SNAP47: variants seen among roughly 807,000 people sequenced by gnomAD.
SNAP47 encodes synaptosome associated protein 47.
Under a neutral mutation model 31.4 loss-of-function variants are expected in SNAP47, and 20 were observed. That is an observed-to-expected ratio of 0.64 (90% CI 0.45 to 0.93). The LOEUF (loss-of-function observed/expected upper bound fraction) is 0.93. Among genes scored for constraint, SNAP47 ranks in the 40% least tolerant of loss-of-function variants. The probability of loss-of-function intolerance (pLI) is 0.00; values close to 1 mark genes in which losing one functional copy is unlikely to be tolerated. For missense variants in SNAP47, 492 were observed against 528.5 expected, an observed-to-expected ratio of 0.93 and a Z score of 0.68; for synonymous variants, 194 against 213.4, an observed-to-expected ratio of 0.91 and a Z score of 0.79.
At position 227,781,110 on chromosome 1, in the gene SNAP47, T is replaced by A. The variant is rs890962192; in HGVS notation, c.*437T>A. 5 of 160,024 alleles carry A rather than the reference T, an allele frequency of 3.1e-5. No homozygotes were observed. The highest frequency in any genetic ancestry group is 4.8e-5 in the African/African-American group (2 of 41,720). The allele number at this position is 160,024 out of a possible 1,614,324, so 9.9% of individuals were successfully genotyped here. A position where few individuals can be genotyped will look rare whatever the true frequency, so the allele number is the denominator to read the frequency against. ...CTATAAACACCCAACTGTTCTTTTA[T>A]CGTCTCGGTTTTAGCCAAAAGTGAA... On this transcript the variant is annotated 3_prime_UTR_variant, in exon 5 of 5. Coordinates refer to ENST00000617596, the MANE Select transcript of SNAP47 (RefSeq NM_053052.4).
upstream of SNAP47, chr1:227,735,162 C>A (rs763102204): frequency 1.2e-5 from 19 of 1,579,442 alleles, no homozygotes; most frequent in Non-Finnish European, 1.5e-5. Context: ...TAGGAGAAGG[C>A]GCCCGGCTCC....
rs572248838 is a variant in SNAP47, at chr1:227,755,025, T to G, written c.498-3970T>G. Among the ~76,000 whole-genome samples, 2 of 152,150 alleles carry G rather than the reference T, an allele frequency of 1.3e-5. 1 individual carries two copies. The highest frequency in any genetic ancestry group is 4.8e-5 in the African/African-American group (2 of 41,498). On this transcript the variant is annotated intron_variant, in intron 2 of 4. Coordinates refer to ENST00000617596, the MANE Select transcript of SNAP47 (RefSeq NM_053052.4). ...AATCCTGAAAAACTAGTTCAGACCA[T>G]GAAAAGAAGGAGGGGGTCAGACATG...
upstream of SNAP47, chr1:227,732,602 C>A (rs202034599): frequency 1.2e-6 from 2 of 1,613,534 alleles, no homozygotes; most frequent in South Asian, 2.2e-5. Context: ...GGACCAGGAG[C>A]CTCTTCTCAG....
upstream of SNAP47, chr1:227,733,492 G>A: frequency 6.3e-7 from 1 of 1,594,372 alleles, no homozygotes; most frequent in Non-Finnish European, 8.5e-7. Flanking sequence ...CCAAGGGTGG[G>A]CCAGCAAGCT....
intron 1 of SNAP47, 183 bp downstream of exon 1, chr1:227,735,682 A>G: frequency 1.0e-6 from 1 of 984,424 alleles, no homozygotes; most frequent in Non-Finnish European, 1.2e-6. Flanking sequence ...TGGGGGCGGG[A>G]GTGCGGCGGT....
At chr1:227,729,764 C>A (rs1660521726) in intron 1 of SNAP47, among the ~76,000 whole-genome samples, 1 of 152,220 alleles carries the variant, frequency 6.6e-6, no homozygotes, top group South Asian at 2.1e-4. Context: ...CTGTCTCCAC[C>A]TCCATGGATT....
At chr1:227,756,801 C>T (rs781489408) in intron 2 of SNAP47, among the ~76,000 whole-genome samples, 12 of 152,356 alleles carry the variant, frequency 7.9e-5, no homozygotes, top group East Asian at 7.7e-4. Flanking sequence ...GCCAAGTTAC[C>T]GTGCACAGCA....
chr1:227,730,267 G>A (rs957581861), upstream of SNAP47, among the ~76,000 whole-genome samples: 4 of 152,164 alleles, frequency 2.6e-5, no homozygotes, highest in Admixed American at 2.6e-4. Context: ...CCTTTGCGAA[G>A]GCCCTCACAT....
chr1:227,738,187 G>C (rs984474650), intron 1 of SNAP47, among the ~76,000 whole-genome samples: 5 of 151,938 alleles, frequency 3.3e-5, no homozygotes, highest in South Asian at 2.1e-4. Flanking sequence ...GATTACAGGC[G>C]CGCACCACCA....
intron 1 of SNAP47, among the ~76,000 whole-genome samples, chr1:227,736,672 G>GT (rs1661207703): frequency 7.3e-6 from 1 of 137,688 alleles, no homozygotes; most frequent in African/African-American, 2.7e-5. Context: ...GCTTAGTTTT[G>GT]TTTTTTTGTT....
upstream of SNAP47, chr1:227,730,326 TACTTGGGAAAGGGGCATCCTGCCTG>T (rs1660559123): frequency 6.6e-6 from 1 of 152,134 alleles, no homozygotes; most frequent in Non-Finnish European, 1.5e-5. Flanking sequence ...CAGGGCGGCA[TACTTGGGAAAGGGGCATCCTGCCTG>T]ACACTTCAAA....
chr1:227,747,804 T>C lies in SNAP47; in HGVS notation c.68T>C (p.Val23Ala). ...TYYLEPKRRWVTGQLSLTSLS... is the reference protein window; with the variant it reads ...TYYLEPKRRWATGQLSLTSLS... ...TACCTGGAGCCCAAGAGGCGATGGG[T>C]TACTGGACAGCTGTCCTTAACATCG... is the stretch of plus-strand genomic sequence containing the variant. The change falls in exon 2 of 5, where the codon GTT becomes GCT. Residue 23 changes from valine to alanine, a missense_variant. Val to Ala is a moderately conservative substitution (Grantham distance 64). Transcript: ENST00000617596. The C allele has an allele frequency of 1.2e-6, 2 of 1,614,080 alleles. No homozygotes were observed. The highest frequency in any genetic ancestry group is 1.7e-6 in the Non-Finnish European group (2 of 1,179,986).
upstream of SNAP47, chr1:227,735,416 G>C (rs751779799): frequency 6.6e-5 from 102 of 1,543,698 alleles, 2 homozygotes; most frequent in Middle Eastern, 4.4e-3. Flanking sequence ...ACGCATGCGC[G>C]CGGCTCGCCG....
chr1:227,771,768 G>A (rs1382239308), intron 4 of SNAP47, among the ~76,000 whole-genome samples: 1 of 151,602 alleles, frequency 6.6e-6, no homozygotes, highest in African/African-American at 2.4e-5. Context: ...AGGACCCTGG[G>A]CTGAGCAGGG....
At chr1:227,737,361 C>T (rs997836194) in intron 1 of SNAP47, among the ~76,000 whole-genome samples, 2 of 152,184 alleles carry the variant, frequency 1.3e-5, no homozygotes, top group African/African-American at 4.8e-5. Context: ...GCTCATCTCT[C>T]CCAGAGAAAT....
At chr1:227,735,679 G>C (rs917662445) in intron 1 of SNAP47, 180 bp downstream of exon 1, 3 of 984,832 alleles carry the variant, frequency 3.0e-6, no homozygotes, top group Non-Finnish European at 3.6e-6. Context: ...TTCTGGGGGC[G>C]GGAGTGCGGC....
rs188610253 is a variant in SNAP47 at position 227,763,882 on chromosome 1, C to T, written c.989-3077C>T. ...GGTGGCCCAGGTCCCCGCTCCCAGGCAGGTGCAGGCAGCCCCTCCTCAGCA... is the reference window on the plus strand; with the variant it reads ...GGTGGCCCAGGTCCCCGCTCCCAGGTAGGTGCAGGCAGCCCCTCCTCAGCA... On this transcript the variant is annotated intron_variant, in intron 3 of 4. Coordinates refer to ENST00000617596, the MANE Select transcript of SNAP47 (RefSeq NM_053052.4). The surrounding 1 kb of genome is among the most constrained non-coding windows in gnomAD (Gnocchi z 4.2). Among the ~76,000 whole-genome samples, 708 of 152,306 alleles carry T rather than the reference C, an allele frequency of 4.6e-3. 32 individuals carry two copies. The highest frequency in any genetic ancestry group is 0.038 in the Admixed American group (576 of 15,306).
chr1:227,759,108 T>G lies in SNAP47; in HGVS notation c.611T>G (p.Phe204Cys), dbSNP rs1278279465. The G allele has an allele frequency of 6.2e-7, 1 of 1,613,944 alleles. No individual in the cohort carries two copies. The highest frequency in any genetic ancestry group is 8.5e-7 in the Non-Finnish European group (1 of 1,180,030). The change falls in exon 3 of 5, where the codon TTT becomes TGT. Residue 204 changes from phenylalanine (F) to cysteine (C), a missense_variant. Transcript: ENST00000617596. ...EDVSMTSCEP[F>C]GKEGILIKIP... ...GTCTCCATGACCAGTTGTGAACCCT[T>G]TGGGAAAGAAGGGATACTGATAAAA...
chr1:227,732,116 G>A (rs1660688219), upstream of SNAP47: 2 of 548,096 alleles, frequency 3.6e-6, no homozygotes, highest in South Asian at 2.2e-5. Context: ...CCTGGCCTAA[G>A]GAGGCAGGGC....
Sources: allele counts gnomAD v4.1 joint callset (sites outside exome capture counted in the v4.1 genomes callset), GRCh38; gene constraint gnomAD v4.1.1; non-coding constraint Gnocchi (gnomAD v3.1); transcripts MANE v1.5; gene names NCBI Gene and HGNC (gene_info 2026-07-23, HGNC 2026-07-21).